CYP11A1: variants seen among roughly 807,000 people sequenced by gnomAD.
The protein encoded by CYP11A1 is cytochrome P450 family 11 subfamily A member 1.
A neutral mutation model predicts 51.9 loss-of-function variants in CYP11A1; 25 were observed. That is an observed-to-expected ratio of 0.48 (90% confidence interval 0.35 to 0.67). The LOEUF is 0.67. CYP11A1 is among the 30% of genes least tolerant of loss of function. The probability of loss-of-function intolerance (pLI) is 0.00; values close to 1 mark genes in which losing one functional copy is unlikely to be tolerated. For synonymous variants in CYP11A1, 245 were observed against 262.1 expected (o/e 0.93, Z 0.63); for missense variants, 578 against 680.9 (o/e 0.85, Z 1.68).
At chr15:74,360,272 C>A (rs145941096) in intron 1 of CYP11A1, among the ~76,000 whole-genome samples, 1 of 151,960 alleles carries the variant, frequency 6.6e-6, no homozygotes, top group Non-Finnish European at 1.5e-5. Flanking sequence ...TCAGAACTTA[C>A]CAGTTTTTTT....
rs771520081 is a variant in CYP11A1, at chr15:74,338,730, C to T, written c.1275G>A (p.Glu425=). Residue 425 remains glutamate, a synonymous_variant, in exon 8 of 9, where the codon GAG becomes GAA. Coordinates refer to ENST00000268053, the MANE Select transcript of CYP11A1 (RefSeq NM_000781.3). ...TTTCCGGGTCGAAGAAGAAGGTGGG[C>T]TCTCGGCCCAGAGCATAGATGGCCA... ...VQVAIYALGR[E]PTFFFDPENF... 1 of 1,614,056 alleles carries T rather than the reference C, an allele frequency of 6.2e-7. No individual in the cohort carries two copies. The highest frequency in any genetic ancestry group is 1.3e-5 in the African/African-American group (1 of 74,902).
chr15:74,339,345 G>A, intron 6 of CYP11A1, 30 bp from the exon 7 acceptor site: 1 of 1,598,974 alleles, frequency 6.3e-7, no homozygotes, highest in South Asian at 1.1e-5. Context: ...AGAAGCTGAT[G>A]GCCCCAAAGG....
chr15:74,365,135 G>A (rs899327429), intron 1 of CYP11A1, among the ~76,000 whole-genome samples: 1 of 151,906 alleles, frequency 6.6e-6, no homozygotes, highest in African/African-American at 2.4e-5. Flanking sequence ...AAAACGTACT[G>A]TCCCTCCTGG....
rs1332202382 is a variant in CYP11A1, at chr15:74,345,428, G to C, written c.426-185C>G. On this transcript the variant is annotated intron_variant, in intron 2 of 8. Coordinates refer to ENST00000268053, the MANE Select transcript of CYP11A1 (RefSeq NM_000781.3). This position sits in a 1 kb window ranked among gnomAD's most constrained non-coding sequence, Gnocchi z 4.3. ...CTCTCACCTCCTCCCTGCTCTGCCT[G>C]GCTGGGAGAAGAGAAAGGAAAAAAG... 3.1e-6 allele frequency: 2 copies of C among 641,160 alleles called. No homozygotes were observed. Among genetic ancestry groups the C allele is most frequent in the Admixed American group, 2.8e-5 (1 of 36,174 alleles). The allele number at this position is 641,160 out of a possible 1,614,324, so 39.7% of individuals were successfully genotyped here.
In CYP11A1 at chr15:74,343,861, C is replaced by T. The variant is rs775022280; in HGVS notation, c.757G>A (p.Asp253Asn). ...TSVPMLNLPP[D>N]LFRLFRTKTW... ...TTGGTCCTGAACAGACGGAACAGGT[C>T]TGGGGGAAGGTTGAGCATGGGGACG... Residue 253 changes from aspartate (D) to asparagine (N), a missense_variant, in exon 4 of 9, where the codon GAC becomes AAC. By Grantham distance (23) the Asp-to-Asn change is conservative. Coordinates refer to ENST00000268053, the MANE Select transcript of CYP11A1 (RefSeq NM_000781.3). 1 of 1,613,922 alleles carries T rather than the reference C, an allele frequency of 6.2e-7. No homozygotes were observed. Among genetic ancestry groups the T allele is most frequent in the Non-Finnish European group, 8.5e-7 (1 of 1,180,044 alleles).
At position 74,350,091 on chromosome 15, in the gene CYP11A1, A is replaced by G. The variant is rs886481016; in HGVS notation, c.270-2036T>C. ...AATATAAAATAATTTTATATTAGAG[A>G]GAGAAAAAAGGAAAGAATTCCTTGA... On this transcript the variant is annotated intron_variant, in intron 1 of 8. Coordinates refer to ENST00000268053, the MANE Select transcript of CYP11A1 (RefSeq NM_000781.3). 5 of 376,692 alleles carry G rather than the reference A, an allele frequency of 1.3e-5. No homozygotes were observed. In the East Asian group the frequency reaches 2.9e-4, roughly 22 times the overall value. 23.3% of individuals were successfully genotyped at this position (376,692 alleles called of 1,614,324 possible).
chr15:74,362,788 G>A (rs1191234558), intron 1 of CYP11A1: 1 of 152,138 alleles, frequency 6.6e-6, no homozygotes, highest in African/African-American at 2.4e-5. Flanking sequence ...GTGGAAAAGG[G>A]GTCTGTTATG....
chr15:74,355,694 CCCTCCCCCA>C (rs1363402255), intron 1 of CYP11A1, among the ~76,000 whole-genome samples: 2 of 152,204 alleles, frequency 1.3e-5, no homozygotes, highest in African/African-American at 4.8e-5. Flanking sequence ...CTGCAACTAG[CCCTCCCCCA>C]TCTGCCCAGT....
chr15:74,339,368 G>T, intron 6 of CYP11A1, 53 bp from the exon 7 acceptor site: 1 of 1,562,476 alleles, frequency 6.4e-7, no homozygotes, highest in African/African-American at 1.4e-5. Flanking sequence ...GGACACAGCC[G>T]CCGGAGCCCC....
chr15:74,349,393 G>A (rs1195705449), intron 1 of CYP11A1, among the ~76,000 whole-genome samples: 2 of 152,182 alleles, frequency 1.3e-5, no homozygotes, highest in Non-Finnish European at 2.9e-5. Context: ...GTGTGTGCAT[G>A]TTCTCTCTCT....
At chr15:74,365,585 G>A (rs2060728468) in intron 1 of CYP11A1, 8 of 722,194 alleles carry the variant, frequency 1.1e-5, no homozygotes, top group South Asian at 1.2e-4. Flanking sequence ...GTTTCAAAGG[G>A]AGTGGGATCT....
At chr15:74,356,154 T>A (rs546946910) in intron 1 of CYP11A1, 1 of 152,374 alleles carries the variant, frequency 6.6e-6, no homozygotes, top group African/African-American at 2.4e-5. Context: ...ACGCCTGAAC[T>A]GCAGCGGCCA....
At chr15:74,346,499 C>A (rs879299199) in intron 2 of CYP11A1, among the ~76,000 whole-genome samples, 3 of 151,992 alleles carry the variant, frequency 2.0e-5, no homozygotes, top group Non-Finnish European at 4.4e-5. Flanking sequence ...GTGTGTACCA[C>A]AATTCACTCA....
Position 74,338,597 on chromosome 15 carries a change from G to A in CYP11A1, c.1408C>T (p.Leu470=), listed in dbSNP as rs763985808. ...TTGATGAGGAAGATGGTCATCTCTA[G>A]CTCAGCGATCCGCCGTCCCAGACAC... The part of the protein sequence containing the change: ...RQCLGRRIAE[L]EMTIFLINML... The change falls in exon 8 of 9, where the codon CTA becomes TTA. Residue 470 remains leucine, a synonymous_variant. Coordinates refer to ENST00000268053, the MANE Select transcript of CYP11A1 (RefSeq NM_000781.3). 5.6e-6 allele frequency: 9 copies of A among 1,614,138 alleles called. No individual in the cohort carries two copies. Among genetic ancestry groups the A allele is most frequent in the Non-Finnish European group, 6.8e-6 (8 of 1,180,022 alleles).
intron 1 of CYP11A1, among the ~76,000 whole-genome samples, chr15:74,358,460 A>G (rs1415811931): frequency 6.6e-6 from 1 of 151,986 alleles, no homozygotes; most frequent in South Asian, 2.1e-4. Context: ...ACCTCTTAGA[A>G]CCTCTCATTT....
At position 74,338,766 on chromosome 15, in the gene CYP11A1, T is replaced by G. The variant is rs1219353145; in HGVS notation, c.1239A>C (p.Thr413=). ...VLRDYMIPAK[T]LVQVAIYALG... The stretch of plus-strand genomic sequence containing the variant: ...GAGCATAGATGGCCACTTGCACCAG[T>G]GTCTGGGGCAAGGTGATCAGAGGCC... Residue 413 remains threonine, a splice_region_variant and synonymous_variant, in exon 8 of 9, where the codon ACA becomes ACC. Coordinates refer to ENST00000268053, the MANE Select transcript of CYP11A1 (RefSeq NM_000781.3). 2 of 1,613,786 alleles carry G rather than the reference T, an allele frequency of 1.2e-6. No individual in the cohort carries two copies. The highest frequency in any genetic ancestry group is 1.7e-6 in the Non-Finnish European group (2 of 1,179,824).
At chr15:74,355,526 G>T (rs543817602) in intron 1 of CYP11A1, among the ~76,000 whole-genome samples, 1 of 151,624 alleles carries the variant, frequency 6.6e-6, no homozygotes, top group South Asian at 2.1e-4. Flanking sequence ...CTTTTCTACC[G>T]ACCCATCTGA....
At chr15:74,360,803 T>C (rs1035435424) in intron 1 of CYP11A1, among the ~76,000 whole-genome samples, 3 of 152,068 alleles carry the variant, frequency 2.0e-5, no homozygotes, top group Non-Finnish European at 4.4e-5. Context: ...CTGGGGAGGC[T>C]GAGGCAGGAG....
At chr15:74,363,010 G>A (rs1307914894) in intron 1 of CYP11A1, 1 of 152,212 alleles carries the variant, frequency 6.6e-6, no homozygotes, top group Non-Finnish European at 1.5e-5. Flanking sequence ...GGCATCATTT[G>A]TTAGGTCCTT....
Sources: allele counts gnomAD v4.1 joint callset (sites outside exome capture counted in the v4.1 genomes callset), GRCh38; gene constraint gnomAD v4.1.1; non-coding constraint Gnocchi (gnomAD v3.1); transcripts MANE v1.5; gene names NCBI Gene and HGNC (gene_info 2026-07-23, HGNC 2026-07-21).